Variants in ETNPPL observed in about 807,000 individuals in gnomAD.
ETNPPL encodes the protein ethanolamine-phosphate phospho-lyase.
A neutral mutation model predicts 55.5 loss-of-function variants in ETNPPL; 30 were observed. That is an observed-to-expected ratio of 0.54 (90% CI 0.40 to 0.73). The LOEUF is 0.73. Among genes scored for constraint, ETNPPL ranks in the 30% least tolerant of loss-of-function variants. The pLI, the probability that ETNPPL is intolerant of heterozygous loss-of-function variation, is 0.00. For synonymous variants in ETNPPL, 202 were observed against 207.2 expected (o/e 0.98, Z 0.21); for missense variants, 528 against 607.9 (o/e 0.87, Z 1.38).
chr4:108,757,113 C>T (rs1027034028), intron 3 of ETNPPL, among the ~76,000 whole-genome samples: 3 of 152,128 alleles, frequency 2.0e-5, no homozygotes, highest in African/African-American at 4.8e-5. Context: ...CTGATCTCCA[C>T]AGGAGGAATG....
At chr4:108,744,715 A>ATTTTTTTT (rs530380404) in intron 11 of ETNPPL, among the ~76,000 whole-genome samples, 1 of 121,186 alleles carries the variant, frequency 8.3e-6, no homozygotes, top group Non-Finnish European at 1.7e-5. Flanking sequence ...AGAAGTTGAA[A>ATTTTTTTT]TTTTTTTTTT....
At chr4:108,751,357 C>T (rs1432223362) in intron 6 of ETNPPL, among the ~76,000 whole-genome samples, 1 of 152,122 alleles carries the variant, frequency 6.6e-6, no homozygotes, top group East Asian at 1.9e-4. Context: ...GGTTATGAAC[C>T]TGTAAAAAGT....
intron 3 of ETNPPL, among the ~76,000 whole-genome samples, chr4:108,758,043 T>G (rs546516091): frequency 6.8e-6 from 1 of 147,572 alleles, no homozygotes; most frequent in South Asian, 2.2e-4. Context: ...TCTCACTCTG[T>G]CGCCAGGCTG....
intron 3 of ETNPPL, among the ~76,000 whole-genome samples, chr4:108,757,579 C>A (rs1263302276): frequency 6.6e-6 from 1 of 152,100 alleles, no homozygotes; most frequent in African/African-American, 2.4e-5. Flanking sequence ...TCAAGATCAA[C>A]CTGACCAATC....
At position 108,754,763 on chromosome 4, in the gene ETNPPL, T is replaced by A. The variant is rs897514581; in HGVS notation, c.411-53A>T. On this transcript the variant is annotated intron_variant, in intron 4 of 12. Coordinates refer to ENST00000296486, the MANE Select transcript of ETNPPL (RefSeq NM_031279.4). ...AATCAAAATAATTCCAAGAGAGATA[T>A]TTTCAAGTATATGAAAACCAGTGTT... 11 of 1,059,356 alleles carry A rather than the reference T, an allele frequency of 1.0e-5. No homozygotes were observed. The African/African-American group carries it at 1.6e-4, about 15-fold the overall frequency. The allele number at this position is 1,059,356 out of a possible 1,614,324, so 65.6% of individuals were successfully genotyped here. A position where few individuals can be genotyped will look rare whatever the true frequency, so the allele number is the denominator to read the frequency against.
chr4:108,759,967 A>G (rs1729428771), intron 2 of ETNPPL, 59 bp from the exon 3 acceptor site: 2 of 1,510,034 alleles, frequency 1.3e-6, no homozygotes, highest in African/African-American at 1.4e-5. Flanking sequence ...GCCTGGGAAT[A>G]AGAGGAATTA....
Position 108,746,409 on chromosome 4 carries a change from C to G in ETNPPL, c.1293G>C (p.Arg431Ser). ...DAKFMVDQLD[R>S]ILTVLEEAMG... ...GATCCATGGACCCACCTGTTAGAAT[C>G]CTATCAAGTTGGTCCACCATGAACT... is the stretch of plus-strand genomic sequence containing the variant. The change falls in exon 11 of 13, where the codon AGG becomes AGC. Residue 431 changes from arginine (R) to serine (S), a missense_variant. Physicochemically the swap from Arg to Ser is moderately radical, Grantham distance 110. Transcript: ENST00000296486. 1 of 1,612,988 alleles carries G rather than the reference C, an allele frequency of 6.2e-7. No homozygotes were observed. Among genetic ancestry groups the G allele is most frequent in the Non-Finnish European group, 8.5e-7 (1 of 1,179,646 alleles).
At chr4:108,756,655 G>A (rs550018772) in intron 3 of ETNPPL, among the ~76,000 whole-genome samples, 163 bp from the exon 4 acceptor site, 3 of 152,222 alleles carry the variant, frequency 2.0e-5, no homozygotes, top group South Asian at 2.1e-4. Context: ...TAGGCAACCC[G>A]TCTCTACTAA....
In ETNPPL at chr4:108,742,461, T is replaced by A. The variant is rs769367996; in HGVS notation, c.*23A>T. 2 of 1,613,518 alleles carry A rather than the reference T, an allele frequency of 1.2e-6. No individual in the cohort carries two copies. Among genetic ancestry groups the A allele is most frequent in the Non-Finnish European group, 1.7e-6 (2 of 1,179,506 alleles). On this transcript the variant is annotated 3_prime_UTR_variant, in exon 13 of 13. Coordinates refer to ENST00000296486, the MANE Select transcript of ETNPPL (RefSeq NM_031279.4). ...ATTCTCTGTAACTCTGGACATCGCA[T>A]CTTGCTTTAAAATGCAAATCAGTCA...
At position 108,742,457 on chromosome 4, in the gene ETNPPL, C is replaced by A. The variant is rs370391807; in HGVS notation, c.*27G>T. 1.2e-6 allele frequency: 2 copies of A among 1,612,738 alleles called. No individual in the cohort carries two copies. Among genetic ancestry groups the A allele is most frequent in the Non-Finnish European group, 1.7e-6 (2 of 1,178,978 alleles). On this transcript the variant is annotated 3_prime_UTR_variant, in exon 13 of 13. Coordinates refer to ENST00000296486, the MANE Select transcript of ETNPPL (RefSeq NM_031279.4). ...ACTCATTCTCTGTAACTCTGGACAT[C>A]GCATCTTGCTTTAAAATGCAAATCA...
rs1176114138 is a variant in ETNPPL, at chr4:108,746,382, A to G, written c.1303+17T>C. On this transcript the variant is annotated intron_variant, in intron 11 of 12. Transcript: ENST00000296486. ...GGAGAGGGAACAAGAAGACATCTTA[A>G]AGATCCATGGACCCACCTGTTAGAA... 2.3e-5 allele frequency: 37 copies of G among 1,604,002 alleles called. No homozygotes were observed. Among genetic ancestry groups the G allele is most frequent in the Non-Finnish European group, 3.1e-5 (36 of 1,175,952 alleles).
At chr4:108,752,231 A>T (rs953932410) in intron 6 of ETNPPL, among the ~76,000 whole-genome samples, 4 of 151,544 alleles carry the variant, frequency 2.6e-5, no homozygotes, top group African/African-American at 4.9e-5. Context: ...GTTTTTTTTT[A>T]AAATAGCCAA....
chr4:108,757,824 G>A (rs1729291860), intron 3 of ETNPPL, among the ~76,000 whole-genome samples: 1 of 148,110 alleles, frequency 6.8e-6, no homozygotes, highest in South Asian at 2.1e-4. Context: ...TAACCCCTAT[G>A]GGTTACAGGG....
At chr4:108,753,977 T>C (rs887460671) in intron 5 of ETNPPL, among the ~76,000 whole-genome samples, 7 of 139,050 alleles carry the variant, frequency 5.0e-5, no homozygotes, top group Non-Finnish European at 1.1e-4. Context: ...TCTTTTCTTT[T>C]TTTTTTTTTT....
At chr4:108,753,596 G>T (rs1174392495) in intron 5 of ETNPPL, among the ~76,000 whole-genome samples, 1 of 152,042 alleles carries the variant, frequency 6.6e-6, no homozygotes, top group Non-Finnish European at 1.5e-5. Context: ...ACAAAAATTA[G>T]CAGGGCTTGG....
Position 108,759,831 on chromosome 4 carries a change from G to A in ETNPPL, c.253C>T (p.His85Tyr), listed in dbSNP as rs1294926364. 4 of 1,613,930 alleles carry A rather than the reference G, an allele frequency of 2.5e-6. No homozygotes were observed. Among genetic ancestry groups the A allele is most frequent in the African/African-American group, 2.7e-5 (2 of 74,914 alleles). The change falls in exon 3 of 13, where the codon CAC (histidine) becomes TAC (tyrosine). Residue 85 changes from histidine (H) to tyrosine (Y), a missense_variant. His to Tyr is a moderately conservative substitution (Grantham distance 83). Transcript: ENST00000296486. Reference protein sequence around the residue: ...ELLNTNSRFLHDNIVEYAKRL... With the variant: ...ELLNTNSRFLYDNIVEYAKRL... ...TTGGCATACTCAACAATGTTGTCGT[G>A]GAGGAATCGAGAATTTGTATTTAGC...
In ETNPPL at chr4:108,754,047, C is replaced by T. The variant is rs1322671218; in HGVS notation, c.501+573G>A. 3.4e-5 allele frequency among the ~76,000 whole-genome samples: 5 copies of T among 147,092 alleles called. No individual in the cohort carries two copies. In the East Asian group the frequency reaches 8.1e-4, roughly 24 times the overall value. ...GGAGTGCAGTGGCACGATCTTGGCTCACTGCAACCTCCACCTCCCAGGTTC... is the reference window on the plus strand; with the variant it reads ...GGAGTGCAGTGGCACGATCTTGGCTTACTGCAACCTCCACCTCCCAGGTTC... On this transcript the variant is annotated intron_variant, in intron 5 of 12. Transcript: ENST00000296486.
chr4:108,747,992 A>T lies in ETNPPL; in HGVS notation c.1082+13T>A. The T allele has an allele frequency of 6.3e-7, 1 of 1,599,344 alleles. No individual in the cohort carries two copies. Among genetic ancestry groups the T allele is most frequent in the South Asian group, 1.1e-5 (1 of 88,382 alleles). Reference sequence around the variant, plus strand: ...AAATGAGTAACTACATGACAACTTCATAATGAACATACCTAATATCTCCTA... The same window carrying T: ...AAATGAGTAACTACATGACAACTTCTTAATGAACATACCTAATATCTCCTA... On this transcript the variant is annotated intron_variant, in intron 9 of 12. Coordinates refer to ENST00000296486, the MANE Select transcript of ETNPPL (RefSeq NM_031279.4).
At chr4:108,754,776 G>T in intron 4 of ETNPPL, 66 bp from the exon 5 acceptor site, 1 of 965,134 alleles carries the variant, frequency 1.0e-6, no homozygotes, top group Non-Finnish European at 1.6e-6. Flanking sequence ...TCAAGTATAT[G>T]AAAACCAGTG....
Sources: allele counts gnomAD v4.1 joint callset (sites outside exome capture counted in the v4.1 genomes callset), GRCh38; gene constraint gnomAD v4.1.1; transcripts MANE v1.5; gene names NCBI Gene and HGNC (gene_info 2026-07-23, HGNC 2026-07-21).